Variants in PTPDC1 observed in about 807,000 individuals in gnomAD.
PTPDC1 encodes the protein protein tyrosine phosphatase domain containing 1.
A neutral mutation model predicts 75.3 loss-of-function variants in PTPDC1; 53 were observed. The observed-to-expected ratio is 0.70, with a 90% CI of 0.56 to 0.88. The LOEUF (loss-of-function observed/expected upper bound fraction) is 0.88. PTPDC1 is among the 40% of genes least tolerant of loss of function. PTPDC1 has a pLI of 0.00. For synonymous variants in PTPDC1, 349 were observed against 366.2 expected (o/e 0.95, Z 0.54); for missense variants, 925 against 998.6 (o/e 0.93, Z 0.99).
intron 2 of PTPDC1, among the ~76,000 whole-genome samples, chr9:94,086,661 A>G (rs1443982458): frequency 6.6e-6 from 1 of 152,228 alleles, no homozygotes; most frequent in Non-Finnish European, 1.5e-5. Context: ...AGTAATAGTC[A>G]TTTATTGGGC....
At chr9:94,040,035 A>G (rs1350789510) in intron 1 of PTPDC1, among the ~76,000 whole-genome samples, 2 of 152,228 alleles carry the variant, frequency 1.3e-5, no homozygotes, top group African/African-American at 2.4e-5. Context: ...GGAGGTACTT[A>G]TAAGTAGAAA....
chr9:94,088,917 G>A (rs1405701498), intron 4 of PTPDC1, among the ~76,000 whole-genome samples: 1 of 151,998 alleles, frequency 6.6e-6, no homozygotes, highest in East Asian at 1.9e-4. Flanking sequence ...ACATTTCCCT[G>A]CTTAAACAAG....
intron 1 of PTPDC1, chr9:94,064,696 C>CA: frequency 6.7e-7 from 1 of 1,496,886 alleles, no homozygotes; most frequent in South Asian, 1.1e-5. Flanking sequence ...ATGACTGTCC[C>CA]AAGGCAAACT....
intron 1 of PTPDC1, among the ~76,000 whole-genome samples, chr9:94,063,405 C>T (rs1359819169): frequency 6.6e-6 from 1 of 152,088 alleles, no homozygotes; most frequent in Admixed American, 6.6e-5. Context: ...CAACTTGTTC[C>T]ATTAGTCCCT....
chr9:94,034,051 A>G (rs1829777842), intron 1 of PTPDC1, among the ~76,000 whole-genome samples: 1 of 152,258 alleles, frequency 6.6e-6, no homozygotes, highest in South Asian at 2.1e-4. Flanking sequence ...AGAAAAAGAT[A>G]GTAAGCAAAT....
intron 8 of PTPDC1, among the ~76,000 whole-genome samples, chr9:94,105,038 A>G (rs1312781857): frequency 6.6e-6 from 1 of 152,238 alleles, no homozygotes; most frequent in Non-Finnish European, 1.5e-5. Flanking sequence ...TCATTAAACA[A>G]AGAACCCAGC....
intron 1 of PTPDC1, among the ~76,000 whole-genome samples, chr9:94,048,848 T>C (rs1001619489): frequency 2.0e-5 from 3 of 152,174 alleles, no homozygotes; most frequent in Admixed American, 6.5e-5. Flanking sequence ...CTAAGTCTCT[T>C]TGTAGTTCTC....
intron 2 of PTPDC1, among the ~76,000 whole-genome samples, chr9:94,068,208 C>G (rs1826383332): frequency 6.6e-6 from 1 of 151,982 alleles, no homozygotes; most frequent in African/African-American, 2.4e-5. Flanking sequence ...AGTAAAGGTA[C>G]AAGAAAAGCA....
chr9:94,051,418 A>T (rs901425490), intron 1 of PTPDC1, among the ~76,000 whole-genome samples: 4 of 152,194 alleles, frequency 2.6e-5, no homozygotes, highest in African/African-American at 4.8e-5. Context: ...AATAGTCCTT[A>T]TTAGGTTGAG....
rs373066434 is a variant in PTPDC1, at chr9:94,073,074, G to T, written c.82+8253G>T. Among the ~76,000 whole-genome samples, 471 of 152,282 alleles carry T rather than the reference G, an allele frequency of 3.1e-3. 22 individuals carry two copies. The South Asian group carries it at 0.093, about 30-fold the overall frequency. The stretch of plus-strand genomic sequence containing the variant: ...ATGTTCCTTCTTCTATTTTCTGGAA[G>T]GCATTGTGGAAAATTGGTGCCCATT... On this transcript the variant is annotated intron_variant, in intron 2 of 9. Coordinates refer to the PTPDC1 transcript ENST00000375360.
intron 2 of PTPDC1, among the ~76,000 whole-genome samples, chr9:94,065,347 G>A (rs927192589): frequency 5.9e-5 from 9 of 152,190 alleles, no homozygotes; most frequent in African/African-American, 2.2e-4. Flanking sequence ...TTTAGATATT[G>A]CTGGTCTTGC....
rs768862564 is a variant in PTPDC1, at chr9:94,098,492, A to G, written c.1926A>G (p.Ala642=). The G allele has an allele frequency of 6.2e-7, 1 of 1,614,212 alleles. No individual in the cohort carries two copies. Among genetic ancestry groups the G allele is most frequent in the Middle Eastern group, 1.6e-4 (1 of 6,062 alleles). The change falls in exon 6 of 9, where the codon GCA becomes GCG. Residue 642 remains alanine (A), a synonymous_variant. Coordinates refer to ENST00000620992, the MANE Select transcript of PTPDC1 (RefSeq NM_001253829.2). The stretch of plus-strand genomic sequence containing the variant: ...TACAGTCTGAATTGAGTGCTGAGGC[A>G]AGAAGAATACTGGCGGCCAAAGCCC... ...SALQSELSAE[A]RRILAAKALA...
rs1408871868 is a variant in PTPDC1, at chr9:94,085,177, T to C, written c.245-74T>C. The C allele has an allele frequency of 2.3e-6, 3 of 1,329,050 alleles. No individual in the cohort carries two copies. In the Admixed American group the frequency reaches 5.8e-5, roughly 26 times the overall value. 82.3% of individuals were successfully genotyped at this position (1,329,050 alleles called of 1,614,324 possible). On this transcript the variant is annotated intron_variant, in intron 1 of 8. Coordinates refer to ENST00000620992, the MANE Select transcript of PTPDC1 (RefSeq NM_001253829.2). ...TGTCATCTACCATCCTGAGATAAAA[T>C]GGAAGCTATTTCCCATGTTACAATT...
intron 4 of PTPDC1, among the ~76,000 whole-genome samples, chr9:94,092,570 G>A (rs1223861771): frequency 1.3e-5 from 2 of 152,036 alleles, no homozygotes; most frequent in Admixed American, 6.5e-5. Flanking sequence ...GTTGATATGG[G>A]GTGGAGAGTT....
At chr9:94,098,774 C>G in intron 6 of PTPDC1, 195 bp downstream of exon 6, 1 of 600,844 alleles carries the variant, frequency 1.7e-6, no homozygotes, top group Non-Finnish European at 2.9e-6. Context: ...TGTATGGTTT[C>G]ATTTAAATCT....
chr9:94,043,002 A>G (rs1825475119), intron 1 of PTPDC1, among the ~76,000 whole-genome samples: 1 of 152,216 alleles, frequency 6.6e-6, no homozygotes, highest in African/African-American at 2.4e-5. Flanking sequence ...GCAGCAATTT[A>G]GTCACATTTT....
chr9:94,101,509 C>A, intron 6 of PTPDC1, 57 bp from the exon 7 acceptor site: 1 of 1,365,474 alleles, frequency 7.3e-7, no homozygotes, highest in Non-Finnish European at 1.0e-6. Context: ...TGGTGCACCT[C>A]CCTCTCCTCT....
At chr9:94,083,091 ATCT>A (rs1247765972), upstream of PTPDC1, among the ~76,000 whole-genome samples, 5 of 152,148 alleles carry the variant, frequency 3.3e-5, no homozygotes, top group Non-Finnish European at 4.4e-5. Flanking sequence ...TTGCCCAGAA[ATCT>A]TCTTAGACTC....
intron 1 of PTPDC1, among the ~76,000 whole-genome samples, chr9:94,032,708 A>G (rs1829750118): frequency 6.6e-6 from 1 of 152,052 alleles, no homozygotes; most frequent in South Asian, 2.1e-4. Flanking sequence ...TTATTTTGAG[A>G]CGGGGTCTCA....
Sources: gnomAD v4.1 joint callset for allele counts (sites outside exome capture counted in the v4.1 genomes callset) on GRCh38, gnomAD v4.1.1 for gene constraint, MANE v1.5 for transcripts, NCBI Gene and HGNC (gene_info 2026-07-23, HGNC 2026-07-21) for gene names.